C5orf22: variants seen among roughly 807,000 people sequenced by gnomAD.
C5orf22 encodes chromosome 5 open reading frame 22, also known as UPF0489 protein C5orf22.
A neutral mutation model predicts 48.7 loss-of-function variants in C5orf22; 36 were observed. That is an observed-to-expected ratio of 0.74 (90% CI 0.57 to 0.98). C5orf22 has a LOEUF of 0.98. C5orf22 is among the 50% of genes least tolerant of loss of function. The pLI, the probability that C5orf22 is intolerant of heterozygous loss-of-function variation, is 0.00. For missense variants in C5orf22, 486 were observed against 521.9 expected, an observed-to-expected ratio of 0.93 and a Z score of 0.67; for synonymous variants, 141 against 180.8, an observed-to-expected ratio of 0.78 and a Z score of 1.76.
At chr5:31,549,838 C>T (rs1050276466) in intron 7 of C5orf22, among the ~76,000 whole-genome samples, 3 of 152,132 alleles carry the variant, frequency 2.0e-5, no homozygotes, top group South Asian at 2.1e-4. Flanking sequence ...CCATTGGACT[C>T]CAGCCTGGGC....
In C5orf22 at chr5:31,552,899, T is replaced by G; in HGVS notation, c.1326T>G (p.Ser442=). The G allele has an allele frequency of 6.2e-7, 1 of 1,613,330 alleles. No homozygotes were observed. Among genetic ancestry groups the G allele is most frequent in the Non-Finnish European group, 8.5e-7 (1 of 1,179,548 alleles). Residue 442 remains serine (S), a synonymous_variant, in exon 9 of 9, where the codon TCT becomes TCG. Coordinates refer to ENST00000325366, the MANE Select transcript of C5orf22 (RefSeq NM_018356.3). ...LQVYAAESPP[S] ...TGTATGCAGCAGAGTCTCCTCCATC[T>G]TGAAACAAACAAAACATTAGGCTCC... is the stretch of plus-strand genomic sequence containing the variant.
chr5:31,543,456 G>A (rs1383347135), intron 6 of C5orf22, among the ~76,000 whole-genome samples: 1 of 152,144 alleles, frequency 6.6e-6, no homozygotes, highest in Non-Finnish European at 1.5e-5. Context: ...TGCGGCCCCA[G>A]CTACTTGGGA....
At chr5:31,538,097 A>C (rs1742207279) in intron 3 of C5orf22, 163 bp from the exon 4 acceptor site, 1 of 609,132 alleles carries the variant, frequency 1.6e-6, no homozygotes, top group Non-Finnish European at 2.9e-6. Flanking sequence ...TCCAGCTAAG[A>C]ATTTGAGGAA....
intron 7 of C5orf22, among the ~76,000 whole-genome samples, chr5:31,550,032 A>C (rs889094978): frequency 6.6e-6 from 1 of 152,092 alleles, no homozygotes; most frequent in Non-Finnish European, 1.5e-5. Flanking sequence ...GTCACAGATT[A>C]TGTAATCCAT....
At chr5:31,548,648 C>T in intron 7 of C5orf22, 1 of 401,994 alleles carries the variant, frequency 2.5e-6, no homozygotes, top group Non-Finnish European at 4.9e-6. Context: ...CCAAACTGTT[C>T]CAACCTCTGC....
rs1043686209 is a variant in C5orf22 at position 31,554,536 on chromosome 5, C to G, written c.*1634C>G. The G allele has an allele frequency of 1.3e-5, 2 of 152,144 alleles. No individual in the cohort carries two copies. The highest frequency in any genetic ancestry group is 2.9e-5 in the Non-Finnish European group (2 of 68,026). The allele number at this position is 152,144 out of a possible 1,614,324, so 9.4% of individuals were successfully genotyped here. A position where few individuals can be genotyped will look rare whatever the true frequency, so the allele number is the denominator to read the frequency against. The stretch of plus-strand genomic sequence containing the variant: ...ATATGTGCCAAAAAAGGTTTATTTT[C>G]TTGGTAAAATCAGAATTGTAGAATT... On this transcript the variant is annotated 3_prime_UTR_variant, in exon 9 of 9. Transcript: ENST00000325366.
Position 31,551,413 on chromosome 5 carries a change from A to T in C5orf22, c.1180A>T (p.Thr394Ser). The T allele has an allele frequency of 6.2e-7, 1 of 1,611,408 alleles. No individual in the cohort carries two copies. Among genetic ancestry groups the T allele is most frequent in the Non-Finnish European group, 8.5e-7 (1 of 1,179,234 alleles). ...TTTGCTGAAAAATTTACCAAATCCT[A>T]CTCTTGTGACAATTGCAAGGTAAGT... ...HYLLKNLPNP[T>S]LVTIARSSLD... The change falls in exon 8 of 9, where the codon ACT becomes TCT. Residue 394 changes from threonine to serine, a missense_variant. Thr to Ser is a moderately conservative substitution (Grantham distance 58). This residue lies in a region of C5orf22 where 408 missense variants were observed against 444.0 expected (regional missense o/e 0.92). Coordinates refer to ENST00000325366, the MANE Select transcript of C5orf22 (RefSeq NM_018356.3).
At chr5:31,532,588 A>ACTCT in intron 1 of C5orf22, 115 bp downstream of exon 1, 2 of 851,894 alleles carry the variant, frequency 2.3e-6, no homozygotes, top group Non-Finnish European at 3.7e-6. Flanking sequence ...CCAGAGTTAA[A>ACTCT]CTGCCCTATT....
In C5orf22 at chr5:31,554,764, A is replaced by G. The variant is rs1457011293; in HGVS notation, c.*1862A>G. Reference sequence around the variant, plus strand: ...ATTCCCATGAACTCTGATATGATTCATTGTGGTTTTAACTCAGGTTGAATA... The same window carrying G: ...ATTCCCATGAACTCTGATATGATTCGTTGTGGTTTTAACTCAGGTTGAATA... On this transcript the variant is annotated 3_prime_UTR_variant, in exon 9 of 9. Transcript: ENST00000325366. 6.6e-6 allele frequency: 1 copy of G among 152,156 alleles called. No homozygotes were observed. The highest frequency in any genetic ancestry group is 1.5e-5 in the Non-Finnish European group (1 of 68,024). 9.4% of individuals were successfully genotyped at this position (152,156 alleles called of 1,614,324 possible).
chr5:31,535,411 A>ATATG (rs1580433824), intron 2 of C5orf22, among the ~76,000 whole-genome samples: 1 of 152,182 alleles, frequency 6.6e-6, no homozygotes, highest in East Asian at 1.9e-4. Flanking sequence ...TGACACTTTT[A>ATATG]TATTTATTTA....
Position 31,538,347 on chromosome 5 carries a change from T to C in C5orf22, c.465T>C (p.Asp155=). The C allele has an allele frequency of 5.0e-6, 8 of 1,614,002 alleles. No individual in the cohort carries two copies. The highest frequency in any genetic ancestry group is 6.8e-6 in the Non-Finnish European group (8 of 1,179,862). ...QLENQKPLQL[D]VIMVKPYKLC... is the part of the protein sequence containing the mutation. ...AGAACCAAAAACCTTTACAATTGGA[T>C]GTAATTATGGTAAAACCTTATAAAC... The change falls in exon 4 of 9, where the codon GAT becomes GAC. Residue 155 remains aspartate (D), a synonymous_variant. Coordinates refer to ENST00000325366, the MANE Select transcript of C5orf22 (RefSeq NM_018356.3).
intron 6 of C5orf22, among the ~76,000 whole-genome samples, chr5:31,544,130 AAC>A (rs1221388812): frequency 2.6e-5 from 4 of 152,184 alleles, no homozygotes; most frequent in Admixed American, 2.0e-4. Context: ...AGGAAAAAGT[AAC>A]AGGACAAGTG....
At chr5:31,552,020 A>G (rs558661155) in intron 8 of C5orf22, among the ~76,000 whole-genome samples, 2 of 152,300 alleles carry the variant, frequency 1.3e-5, no homozygotes, top group South Asian at 4.1e-4. Flanking sequence ...CAGTTCTTCT[A>G]TAAAGATTTC....
intron 5 of C5orf22, 94 bp downstream of exon 5, chr5:31,541,105 A>AGTGTGT (rs35650579): frequency 0.011 from 7,500 of 675,630 alleles, 40 homozygotes; most frequent in East Asian, 0.086. Flanking sequence ...GACTGCTCAA[A>AGTGTGT]GTGTGTGTGT....
At chr5:31,535,951 A>T (rs1742048890) in intron 3 of C5orf22, 58 bp downstream of exon 3, 1 of 1,532,484 alleles carries the variant, frequency 6.5e-7, no homozygotes. Flanking sequence ...CTTATTTTGG[A>T]TTCCTATAAT....
chr5:31,534,603 AT>A, intron 2 of C5orf22, 186 bp downstream of exon 2: 1 of 585,250 alleles, frequency 1.7e-6, no homozygotes, highest in South Asian at 2.3e-5. Flanking sequence ...ATTAGCAAAT[AT>A]TTTAGGTTTG....
intron 7 of C5orf22, 30 bp downstream of exon 7, chr5:31,545,742 G>T: frequency 2.8e-6 from 4 of 1,451,982 alleles, no homozygotes; most frequent in South Asian, 1.2e-5. Flanking sequence ...GTGTAAAATT[G>T]ACCCTTTGTA....
In C5orf22 at chr5:31,541,269, A is replaced by G. The variant is rs752795211; in HGVS notation, c.871-12A>G. The G allele has an allele frequency of 2.2e-5, 36 of 1,607,696 alleles. No individual in the cohort carries two copies. Among genetic ancestry groups the G allele is most frequent in the Admixed American group, 1.0e-4 (6 of 59,712 alleles). ...ATAACTATATAATCTCAGCTTTTCA[A>G]TGTATTTAAAGGAAGATTTGGTAGA... On this transcript the variant is annotated splice_polypyrimidine_tract_variant and intron_variant, in intron 5 of 8. Coordinates refer to ENST00000325366, the MANE Select transcript of C5orf22 (RefSeq NM_018356.3).
Sources: gnomAD v4.1 joint callset for allele counts (sites outside exome capture counted in the v4.1 genomes callset) on GRCh38, gnomAD v4.1.1 for gene constraint, gnomAD v4.1.1 regional missense constraint, MANE v1.5 for transcripts, NCBI Gene and HGNC (gene_info 2026-07-23, HGNC 2026-07-21) for gene names.